Variants in DCDC1 observed in about 807,000 individuals in gnomAD.
DCDC1 encodes doublecortin domain containing 1, also known as doublecortin domain-containing protein 1.
In DCDC1, 200 loss-of-function variants were observed where a neutral mutation model predicts 178.3. The observed-to-expected ratio is 1.12, with a 90% confidence interval of 1.00 to 1.26. The LOEUF is 1.26. Among genes scored for constraint, DCDC1 ranks in the 50% most tolerant of loss-of-function variants. DCDC1 has a pLI of 0.00. For synonymous variants in DCDC1, 690 were observed against 604.8 expected, an observed-to-expected ratio of 1.14 and a Z score of -2.07; for missense variants, 1,983 against 1,749.2, an observed-to-expected ratio of 1.13 and a Z score of -2.38.
chr11:31,341,931 T>C (rs1044203287), intron 1 of DCDC1, among the ~76,000 whole-genome samples: 12 of 152,028 alleles, frequency 7.9e-5, no homozygotes, highest in African/African-American at 2.4e-4. Context: ...GAGGTGGAAC[T>C]GGTGCCAGAA....
intron 20 of DCDC1, among the ~76,000 whole-genome samples, chr11:31,052,064 G>T (rs1015706961): frequency 4.6e-5 from 7 of 152,016 alleles, no homozygotes; most frequent in Non-Finnish European, 1.0e-4. Flanking sequence ...ACCACAAAAT[G>T]GATAAGAACT....
intron 18 of DCDC1, among the ~76,000 whole-genome samples, chr11:31,067,705 C>T (rs960711921): frequency 1.3e-5 from 2 of 151,846 alleles, no homozygotes; most frequent in African/African-American, 4.8e-5. Context: ...TATTATTTGG[C>T]AACAAAAAGA....
intron 6 of DCDC1, among the ~76,000 whole-genome samples, chr11:31,301,692 G>A (rs1411864306): frequency 2.0e-5 from 3 of 152,136 alleles, no homozygotes; most frequent in Non-Finnish European, 4.4e-5. Context: ...CTTGTGTGTC[G>A]TGGAATTGAA....
At chr11:30,888,103 AAAG>A in intron 36 of DCDC1, among the ~76,000 whole-genome samples, 1 of 67,602 alleles carries the variant, frequency 1.5e-5, no homozygotes, top group African/African-American at 6.2e-5. Flanking sequence ...AAAGAAAAAG[AAAG>A]AAAGAAAGAA....
intron 20 of DCDC1, among the ~76,000 whole-genome samples, chr11:31,018,388 A>C: frequency 6.6e-6 from 1 of 152,188 alleles, no homozygotes; most frequent in Non-Finnish European, 1.5e-5. Context: ...TTTCTGTGAA[A>C]TAGAAAAGAT....
At chr11:31,073,987 G>C (rs1956718651) in intron 18 of DCDC1, among the ~76,000 whole-genome samples, 1 of 152,168 alleles carries the variant, frequency 6.6e-6, no homozygotes, top group Admixed American at 6.5e-5. Flanking sequence ...ATGCTTATCA[G>C]TCAGGGTCCA....
At chr11:30,873,440 T>A (rs777988915) in intron 38 of DCDC1, among the ~76,000 whole-genome samples, 7 of 151,902 alleles carry the variant, frequency 4.6e-5, no homozygotes, top group African/African-American at 9.7e-5. Context: ...TTTCTTTGTA[T>A]TCTCTGTTTT....
chr11:31,174,044 T>G (rs1174867987), intron 9 of DCDC1, among the ~76,000 whole-genome samples: 1 of 151,406 alleles, frequency 6.6e-6, no homozygotes, highest in African/African-American at 2.4e-5. Flanking sequence ...AGGGCAGGAG[T>G]CTTGCACTTC....
intron 20 of DCDC1, among the ~76,000 whole-genome samples, chr11:31,042,767 G>C (rs1954558635): frequency 6.6e-6 from 1 of 152,138 alleles, no homozygotes; most frequent in Non-Finnish European, 1.5e-5. Flanking sequence ...CTGGCAACCT[G>C]ACCTTAGTTT....
intron 20 of DCDC1, among the ~76,000 whole-genome samples, chr11:30,978,820 AC>A (rs1565147846): frequency 2.8e-5 from 3 of 109,046 alleles, no homozygotes; most frequent in African/African-American, 9.2e-5. Context: ...ACACACACAC[AC>A]ACACACCCCC....
At chr11:31,346,741 T>A (rs1028921278) in intron 1 of DCDC1, among the ~76,000 whole-genome samples, 4 of 152,182 alleles carry the variant, frequency 2.6e-5, no homozygotes, top group Non-Finnish European at 5.9e-5. Context: ...GGAGTTTGCC[T>A]TAAAATACTT....
intron 9 of DCDC1, among the ~76,000 whole-genome samples, chr11:31,209,107 T>C (rs1972201980): frequency 6.6e-6 from 1 of 152,128 alleles, no homozygotes. Flanking sequence ...CAGGAGAACA[T>C]GATGTTTAAC....
At chr11:31,330,934 T>C (rs1298612516) in intron 2 of DCDC1, among the ~76,000 whole-genome samples, 6 of 151,434 alleles carry the variant, frequency 4.0e-5, no homozygotes, top group African/African-American at 7.3e-5. Flanking sequence ...TTCTGTGAAG[T>C]CATTGGTAGC....
At chr11:31,133,303 G>A (rs549239497) in intron 10 of DCDC1, among the ~76,000 whole-genome samples, 46 of 152,266 alleles carry the variant, frequency 3.0e-4, no homozygotes, top group African/African-American at 9.4e-4. Context: ...CAGCACAAAC[G>A]GTGGCAGCCT....
intron 9 of DCDC1, among the ~76,000 whole-genome samples, chr11:31,168,911 A>C (rs78266493): frequency 0.021 from 3,141 of 152,312 alleles, 98 homozygotes; most frequent in African/African-American, 0.071. Context: ...CAAAGGCAAT[A>C]AAATAAGATT....
At chr11:31,134,788 A>G (rs902422487) in intron 10 of DCDC1, among the ~76,000 whole-genome samples, 3 of 152,200 alleles carry the variant, frequency 2.0e-5, no homozygotes. Flanking sequence ...TGAGGCCAGG[A>G]GTTCAAGACC....
At chr11:31,293,157 C>G (rs1947355109) in intron 6 of DCDC1, among the ~76,000 whole-genome samples, 1 of 152,070 alleles carries the variant, frequency 6.6e-6, no homozygotes, top group Non-Finnish European at 1.5e-5. Flanking sequence ...TAGCTTCTTC[C>G]CTCACCTCCC....
intron 9 of DCDC1, among the ~76,000 whole-genome samples, chr11:31,205,664 G>A (rs1971781236): frequency 6.6e-6 from 1 of 152,114 alleles, no homozygotes; most frequent in Non-Finnish European, 1.5e-5. Flanking sequence ...TCCTCGTAAA[G>A]TTATGCATAG....
At chr11:31,060,195 C>G (rs533409731) in intron 20 of DCDC1, among the ~76,000 whole-genome samples, 1 of 152,086 alleles carries the variant, frequency 6.6e-6, no homozygotes, top group East Asian at 1.9e-4. Context: ...ACCAAACGCT[C>G]AATTTTATTT....
Sources: allele counts gnomAD v4.1 joint callset (sites outside exome capture counted in the v4.1 genomes callset), GRCh38; gene constraint gnomAD v4.1.1; transcripts MANE v1.5; gene names NCBI Gene and HGNC (gene_info 2026-07-23, HGNC 2026-07-21).